DDX28: variants seen among roughly 807,000 people sequenced by gnomAD.
The protein encoded by DDX28 is DEAD-box helicase 28.
In DDX28, 25 loss-of-function variants were observed where a neutral mutation model predicts 26.8. The observed-to-expected ratio is 0.93, with a 90% CI of 0.68 to 1.30. The LOEUF is 1.30. DDX28 is among the 50% of genes most tolerant of loss of function. The pLI is 0.00. For missense variants in DDX28, 790 were observed against 695.1 expected (o/e 1.14, Z -1.53); for synonymous variants, 370 against 311.9 (o/e 1.19, Z -1.96).
rs1327661810 is a variant in DDX28, at chr16:68,022,946, C to T, written c.257G>A (p.Arg86His). The T allele has an allele frequency of 6.5e-7, 1 of 1,547,654 alleles. No individual in the cohort carries two copies. Among genetic ancestry groups the T allele is most frequent in the Non-Finnish European group, 8.7e-7 (1 of 1,152,984 alleles). Residue 86 changes from arginine (R) to histidine (H), a missense_variant, in exon 1 of 1, where the codon CGT (arginine) becomes CAT (histidine). Arg to His is a conservative substitution (Grantham distance 29, BLOSUM62 0). Coordinates refer to ENST00000332395, the MANE Select transcript of DDX28 (RefSeq NM_018380.4). Reference protein sequence around the residue: ...LNQPARLTLGRWERAPLASQG... With the variant: ...LNQPARLTLGHWERAPLASQG... ...AGAGGCTAGCGGCGCGCGCTCCCAA[C>T]GGCCCAGTGTGAGGCGCGCCGGCTG...
rs1340441012 is a variant in DDX28, at chr16:68,021,463, G to A, written c.*117C>T. 1.7e-5 allele frequency: 19 copies of A among 1,105,526 alleles called. No homozygotes were observed. The highest frequency in any genetic ancestry group is 2.5e-5 in the East Asian group (1 of 39,668). The allele number at this position is 1,105,526 out of a possible 1,614,324, so 68.5% of individuals were successfully genotyped here. ...TCCAAGTCACAAAGCAGTTCATCCC[G>A]CCCTCAAGGAGCCGACAGGGCAGCC... On this transcript the variant is annotated 3_prime_UTR_variant, in exon 1 of 1. Transcript: ENST00000332395.
chr16:68,021,970 G>A lies in DDX28; in HGVS notation c.1233C>T (p.Asn411=). The change falls in exon 1 of 1, where the codon AAC becomes AAT. Residue 411 remains asparagine (N), a synonymous_variant. Transcript: ENST00000332395. ...GGTCATCCAGAATATATCCCAGCCAGTTCACAGTGCTGGAGCTATTACAGA... is the reference window on the plus strand; with the variant it reads ...GGTCATCCAGAATATATCCCAGCCAATTCACAGTGCTGGAGCTATTACAGA... The part of the protein sequence containing the change: ...LVFCNSSSTV[N]WLGYILDDHK... 2 of 1,614,230 alleles carry A rather than the reference G, an allele frequency of 1.2e-6. No individual in the cohort carries two copies. The highest frequency in any genetic ancestry group is 1.7e-6 in the Non-Finnish European group (2 of 1,180,040).
Position 68,022,277 on chromosome 16 carries a change from A to G in DDX28, c.926T>C (p.Ile309Thr). ...LVDYILEKSH[I>T]AEGPADLEDP... ...TTCCAAGTCAGCTGGGCCTTCTGCT[A>G]TGTGGCTCTTCTCTAAGATGTAGTC... Residue 309 changes from isoleucine (I) to threonine (T), a missense_variant, in exon 1 of 1, where the codon ATA (isoleucine) becomes ACA (threonine). Physicochemically the swap from Ile to Thr is moderately conservative, Grantham distance 89. Coordinates refer to ENST00000332395, the MANE Select transcript of DDX28 (RefSeq NM_018380.4). 1.2e-6 allele frequency: 2 copies of G among 1,614,190 alleles called. No individual in the cohort carries two copies.
Position 68,022,002 on chromosome 16 carries a change from G to C in DDX28, c.1201C>G (p.Leu401Val), listed in dbSNP as rs921080548. ...GTGCTGGAGCTATTACAGAACACCA[G>C]AACAGTTCCTGAGGGACCAGTCCTT... The part of the protein sequence containing the change: ...AERTGPSGTV[L>V]VFCNSSSTVN... Residue 401 changes from leucine (L) to valine (V), a missense_variant, in exon 1 of 1, where the codon CTG becomes GTG. Coordinates refer to ENST00000332395, the MANE Select transcript of DDX28 (RefSeq NM_018380.4). 14 of 1,614,198 alleles carry C rather than the reference G, an allele frequency of 8.7e-6. No homozygotes were observed. The East Asian group carries it at 2.5e-4, about 28-fold the overall frequency.
At position 68,021,625 on chromosome 16, in the gene DDX28, TG is replaced by T; in HGVS notation, c.1577del (p.Pro526GlnfsTer3). ...ELAARRRRSL[P>X]GLASSVKEPL... The stretch of plus-strand genomic sequence containing the variant: ...GCTCTTTCACCGAGGATGCTAGTCC[TG>T]GAAGACTTCTCCTTCGGCGAGCCGC... On this transcript the variant is annotated frameshift_variant, in exon 1 of 1. Coordinates refer to ENST00000332395, the MANE Select transcript of DDX28 (RefSeq NM_018380.4). LOFTEE classifies it high-confidence loss of function. 1 of 1,614,184 alleles carries T rather than the reference TG, an allele frequency of 6.2e-7. No homozygotes were observed. The highest frequency in any genetic ancestry group is 8.5e-7 in the Non-Finnish European group (1 of 1,180,000).
Position 68,021,706 on chromosome 16 carries a change from G to A in DDX28, c.1497C>T (p.Val499=), listed in dbSNP as rs1439242819. The A allele has an allele frequency of 6.2e-7, 1 of 1,614,196 alleles. No individual in the cohort carries two copies. Among genetic ancestry groups the A allele is most frequent in the East Asian group, 2.2e-5 (1 of 44,882 alleles). ...CCCAGGGATGGGTCACAAAACTGAT[G>A]ACGGTGCCTGGCACCTCGCTCCCCA... ...GRVGSEVPGT[V]ISFVTHPWDV... The change falls in exon 1 of 1, where the codon GTC becomes GTT. Residue 499 remains valine (V), a synonymous_variant. Transcript: ENST00000332395.
chr16:68,022,780 T>C lies in DDX28; in HGVS notation c.423A>G (p.Leu141=), dbSNP rs1453493721. ...LGLEPRVLHA[L]QEAAPEVVQP... is the part of the protein sequence containing the mutation. ...GAACGACTTCAGGCGCAGCCTCCTG[T>C]AGTGCGTGCAGCACACGGGGCTCCA... The change falls in exon 1 of 1, where the codon CTA becomes CTG. Residue 141 remains leucine (L), a synonymous_variant. Coordinates refer to ENST00000332395, the MANE Select transcript of DDX28 (RefSeq NM_018380.4). 8 of 1,607,276 alleles carry C rather than the reference T, an allele frequency of 5.0e-6. No individual in the cohort carries two copies. The highest frequency in any genetic ancestry group is 2.2e-5 in the East Asian group (1 of 44,758).
In DDX28 at chr16:68,022,953, G is replaced by A. The variant is rs369855270; in HGVS notation, c.250C>T (p.Leu84=). ...PELNQPARLT[L]GRWERAPLAS... is the part of the protein sequence containing the mutation. ...AGCGGCGCGCGCTCCCAACGGCCCA[G>A]TGTGAGGCGCGCCGGCTGGTTCAAC... is the stretch of plus-strand genomic sequence containing the variant. Residue 84 remains leucine (L), a synonymous_variant, in exon 1 of 1, where the codon CTG becomes TTG. Transcript: ENST00000332395. 1.1e-4 allele frequency: 165 copies of A among 1,552,084 alleles called. 1 individual carries two copies. In the African/African-American group the frequency reaches 1.9e-3, roughly 18 times the overall value.
rs200300816 is a variant in DDX28 at position 68,022,994 on chromosome 16, G to C, written c.209C>G (p.Ser70Trp). The change falls in exon 1 of 1, where the codon TCG becomes TGG. Residue 70 changes from serine (S) to tryptophan (W), a missense_variant. Transcript: ENST00000332395. ...CTGGTTCAACTCCGGCCGCCGCGCC[G>C]AAACCAGCAGCGGTCCGGGTCGAAC... ...VLVRPGPLLV[S>W]ARRPELNQPA... 1 of 1,562,736 alleles carries C rather than the reference G, an allele frequency of 6.4e-7. No homozygotes were observed. Among genetic ancestry groups the C allele is most frequent in the African/African-American group, 1.4e-5 (1 of 73,982 alleles).
chr16:68,022,440 A>T lies in DDX28; in HGVS notation c.763T>A (p.Ser255Thr). Residue 255 changes from serine (S) to threonine (T), a missense_variant, in exon 1 of 1, where the codon TCA becomes ACA. Transcript: ENST00000332395. The stretch of plus-strand genomic sequence containing the variant: ...GGAGTGGCCACAAGCACATCTGCTG[A>T]AGGCTGTCTGGACAGCTGCAGCCTG... ...RIRLQLSRQP[S>T]ADVLVATPGA... is the part of the protein sequence containing the mutation. 3 of 1,614,006 alleles carry T rather than the reference A, an allele frequency of 1.9e-6. No homozygotes were observed. The highest frequency in any genetic ancestry group is 2.5e-6 in the Non-Finnish European group (3 of 1,180,024).
In DDX28 at chr16:68,022,222, CACTA is replaced by C; in HGVS notation, c.977_980del (p.Leu326CysfsTer3). 2.5e-6 allele frequency: 4 copies of C among 1,614,228 alleles called. No individual in the cohort carries two copies. The highest frequency in any genetic ancestry group is 1.6e-4 in the Middle Eastern group (1 of 6,062). On this transcript the variant is annotated frameshift_variant, in exon 1 of 1. Transcript: ENST00000332395. LOFTEE classifies it high-confidence loss of function. ...CTTCGGGAAATGTGGCTCCTACCAG[CACTA>C]ACTGAGCTTTGGGATTGAAGGGGTC... is the stretch of plus-strand genomic sequence containing the variant.
In DDX28 at chr16:68,022,611, A is replaced by C; in HGVS notation, c.592T>G (p.Ser198Ala). The part of the protein sequence containing the change: ...QRLLGQPSLD[S>A]LPIPAPRGLV... ...CCTCGGGGCGCGGGGATAGGAAGGG[A>C]GTCCAGGCTTGGCTGGCCCAAGAGC... The change falls in exon 1 of 1, where the codon TCC becomes GCC. Residue 198 changes from serine (S) to alanine (A), a missense_variant. Transcript: ENST00000332395. 6.2e-7 allele frequency: 1 copy of C among 1,613,570 alleles called. No individual in the cohort carries two copies. Among genetic ancestry groups the C allele is most frequent in the Non-Finnish European group, 8.5e-7 (1 of 1,179,914 alleles).
Position 68,022,898 on chromosome 16 carries a change from G to T in DDX28, c.305C>A (p.Ala102Glu). The T allele has an allele frequency of 1.9e-6, 3 of 1,561,066 alleles. No homozygotes were observed. The highest frequency in any genetic ancestry group is 2.6e-6 in the Non-Finnish European group (3 of 1,154,898). The stretch of plus-strand genomic sequence containing the variant: ...CTCGATGGAGAAGTGGTCCCGACGC[G>T]CGCGTCGACTCTTCCAGCCTTGAGA... ...LASQGWKSRR[A>E]RRDHFSIERA... Residue 102 changes from alanine to glutamate, a missense_variant, in exon 1 of 1, where the codon GCG becomes GAG. Physicochemically the swap from Ala to Glu is moderately radical, Grantham distance 107 (BLOSUM62 -1). Transcript: ENST00000332395.
chr16:68,021,812 G>C lies in DDX28; in HGVS notation c.1391C>G (p.Thr464Ser), dbSNP rs1160654586. 6 of 1,614,176 alleles carry C rather than the reference G, an allele frequency of 3.7e-6. No homozygotes were observed. Among genetic ancestry groups the C allele is most frequent in the Non-Finnish European group, 5.1e-6 (6 of 1,180,036 alleles). Residue 464 changes from threonine to serine, a missense_variant, in exon 1 of 1, where the codon ACT becomes AGT. By Grantham distance (58) the Thr-to-Ser change is moderately conservative (BLOSUM62 1). Transcript: ENST00000332395. ...TDIASRGLDS[T>S]GVELVVNYDF... ...ATAATTGACAACCAGCTCCACACCA[G>C]TGCTGTCCAGGCCCCGAGAGGCTAT... is the stretch of plus-strand genomic sequence containing the variant.
At position 68,022,863 on chromosome 16, in the gene DDX28, G is replaced by C; in HGVS notation, c.340C>G (p.Gln114Glu). 6.3e-7 allele frequency: 1 copy of C among 1,575,242 alleles called. No homozygotes were observed. The highest frequency in any genetic ancestry group is 1.9e-5 in the Admixed American group (1 of 53,946). Residue 114 changes from glutamine (Q) to glutamate (E), a missense_variant, in exon 1 of 1, where the codon CAG becomes GAG. By Grantham distance (29) the Gln-to-Glu change is conservative. Transcript: ENST00000332395. ...AGCTTTCGCACCGCTGGCGCCTCCTGTTGCGCGCGCTCGATGGAGAAGTGG... is the reference window on the plus strand; with the variant it reads ...AGCTTTCGCACCGCTGGCGCCTCCTCTTGCGCGCGCTCGATGGAGAAGTGG... ...RDHFSIERAQ[Q>E]EAPAVRKLSS...
chr16:68,022,083 C>T lies in DDX28; in HGVS notation c.1120G>A (p.Gly374Arg). The change falls in exon 1 of 1, where the codon GGA becomes AGA. Residue 374 changes from glycine to arginine, a missense_variant. By Grantham distance (125) the Gly-to-Arg change is moderately radical (BLOSUM62 -2). Transcript: ENST00000332395. ...HVKQTFLRLKGADKVAELVHI... is the reference protein window; with the variant it reads ...HVKQTFLRLKRADKVAELVHI... ...ACCAGCTCGGCCACCTTATCTGCTC[C>T]CTTCAGTCTCAGAAATGTCTGTTTC... 2 of 1,614,178 alleles carry T rather than the reference C, an allele frequency of 1.2e-6. No individual in the cohort carries two copies. The highest frequency in any genetic ancestry group is 1.7e-6 in the Non-Finnish European group (2 of 1,180,044).
At position 68,022,228 on chromosome 16, in the gene DDX28, CTG is replaced by C. The variant is rs2033255258; in HGVS notation, c.973_974del (p.Gln325ValfsTer18). The C allele has an allele frequency of 1.9e-6, 3 of 1,614,124 alleles. No homozygotes were observed. The highest frequency in any genetic ancestry group is 2.5e-6 in the Non-Finnish European group (3 of 1,180,042). ...GAAATGTGGCTCCTACCAGCACTAA[CTG>C]AGCTTTGGGATTGAAGGGGTCTTCC... is the stretch of plus-strand genomic sequence containing the variant. ...DLEDPFNPKA[Q>X]LVLVGATFPE... On this transcript the variant is annotated frameshift_variant, in exon 1 of 1. Transcript: ENST00000332395. LOFTEE classifies it high-confidence loss of function.
rs1389200698 is a variant in DDX28, at chr16:68,021,280, C to CT, written c.*299_*300insA. ...ATCCTCAGAAACTACTGAATTCCGC[C>CT]CCGGTGCTAATTATTCTTAGGGGAG... On this transcript the variant is annotated 3_prime_UTR_variant, in exon 1 of 1. Coordinates refer to ENST00000332395, the MANE Select transcript of DDX28 (RefSeq NM_018380.4). The CT allele has an allele frequency of 8.1e-6, 3 of 370,734 alleles. No individual in the cohort carries two copies. Among genetic ancestry groups the CT allele is most frequent in the Non-Finnish European group, 1.5e-5 (3 of 202,542 alleles). The allele number at this position is 370,734 out of a possible 1,614,324, so 23.0% of individuals were successfully genotyped here. A position where few individuals can be genotyped will look rare whatever the true frequency, so the allele number is the denominator to read the frequency against.
At position 68,021,098 on chromosome 16, in the gene DDX28, G is replaced by A. The variant is rs1419747369; in HGVS notation, c.*482C>T. ...CGTTTGTCTTGGGCATTGTTAGAGAGTAACTCTGTCTACTGCTAGTCACAT... is the reference window on the plus strand; with the variant it reads ...CGTTTGTCTTGGGCATTGTTAGAGAATAACTCTGTCTACTGCTAGTCACAT... On this transcript the variant is annotated 3_prime_UTR_variant, in exon 1 of 1. Transcript: ENST00000332395. 6.6e-6 allele frequency among the ~76,000 whole-genome samples: 1 copy of A among 151,736 alleles called. No homozygotes were observed. The highest frequency in any genetic ancestry group is 2.4e-5 in the African/African-American group (1 of 41,290).
Sources: allele counts gnomAD v4.1 joint callset (sites outside exome capture counted in the v4.1 genomes callset), GRCh38; gene constraint gnomAD v4.1.1; transcripts MANE v1.5; gene names NCBI Gene and HGNC (gene_info 2026-07-23, HGNC 2026-07-21).